C2orf72: variants seen among roughly 807,000 people sequenced by gnomAD.
The protein encoded by C2orf72 is chromosome 2 open reading frame 72, also known as uncharacterized protein C2orf72.
In C2orf72, 16 loss-of-function variants were observed where a neutral mutation model predicts 14.4. That is an observed-to-expected ratio of 1.11 (90% CI 0.75 to 1.69). The LOEUF is 1.69. C2orf72 is among the 40% of genes most tolerant of loss of function. The pLI, the probability that C2orf72 is intolerant of heterozygous loss-of-function variation, is 0.00. For missense variants in C2orf72, 371 were observed against 358.3 expected, an observed-to-expected ratio of 1.04 and a Z score of -0.29; for synonymous variants, 168 against 176.8, an observed-to-expected ratio of 0.95 and a Z score of 0.40.
At position 231,037,820 on chromosome 2, in the gene C2orf72, G is replaced by A. The variant is rs1693274963; in HGVS notation, c.255G>A (p.Ala85=). The A allele has an allele frequency of 1.0e-6, 1 of 979,730 alleles. No homozygotes were observed. The highest frequency in any genetic ancestry group is 1.8e-5 in the African/African-American group (1 of 56,296). The allele number at this position is 979,730 out of a possible 1,614,324, so 60.7% of individuals were successfully genotyped here. A position where few individuals can be genotyped will look rare whatever the true frequency, so the allele number is the denominator to read the frequency against. ...GPGAARGAQR[A]ARAAGAAGAA... is the part of the protein sequence containing the mutation. ...GGGCGGCGCGCGGGGCGCAGAGGGC[G>A]GCGAGGGCGGCTGGGGCGGCGGGGG... The change falls in exon 1 of 3, where the codon GCG becomes GCA. Residue 85 remains alanine, a synonymous_variant. Coordinates refer to ENST00000373640, the MANE Select transcript of C2orf72 (RefSeq NM_001144994.2).
rs760012700 is a variant in C2orf72 at position 231,037,726 on chromosome 2, G to T, written c.161G>T (p.Arg54Leu). ...QSRALLRDFA[R>L]AVFPPEPGAA... ...CGCGCGCTGCTGCGGGACTTCGCAC[G>T]GGCGGTGTTCCCGCCGGAGCCAGGC... The change falls in exon 1 of 3, where the codon CGG becomes CTG. Residue 54 changes from arginine to leucine, a missense_variant. Coordinates refer to ENST00000373640, the MANE Select transcript of C2orf72 (RefSeq NM_001144994.2). 57 of 1,013,940 alleles carry T rather than the reference G, an allele frequency of 5.6e-5. No homozygotes were observed. Among genetic ancestry groups the T allele is most frequent in the Admixed American group, 2.4e-4 (4 of 16,748 alleles). 62.8% of individuals were successfully genotyped at this position (1,013,940 alleles called of 1,614,324 possible).
At chr2:231,039,377 C>G (rs1297188450) in intron 1 of C2orf72, among the ~76,000 whole-genome samples, 1 of 150,956 alleles carries the variant, frequency 6.6e-6, no homozygotes, top group South Asian at 2.1e-4. Flanking sequence ...GATCTTTGCA[C>G]TCTCCAGCTC....
At position 231,044,219 on chromosome 2, in the gene C2orf72, A is replaced by T. The variant is rs184016730; in HGVS notation, c.749-2663A>T. 2.0e-5 allele frequency among the ~76,000 whole-genome samples: 3 copies of T among 152,360 alleles called. No homozygotes were observed. In the East Asian group the frequency reaches 5.8e-4, roughly 29 times the overall value. Reference sequence around the variant, plus strand: ...TGGTGAGTGAATGGGAAGACCTAGGACATTGCTGTGCACTACTGTCGACTA... The same window carrying T: ...TGGTGAGTGAATGGGAAGACCTAGGTCATTGCTGTGCACTACTGTCGACTA... On this transcript the variant is annotated intron_variant, in intron 2 of 2. Transcript: ENST00000373640.
At position 231,047,290 on chromosome 2, in the gene C2orf72, A is replaced by G. The variant is rs899698955; in HGVS notation, c.*269A>G. On this transcript the variant is annotated 3_prime_UTR_variant, in exon 3 of 3. Transcript: ENST00000373640. ...CTCTCTGTCTCGGTTTCTCTGAGCC[A>G]CTGAGACAGATGGCTGTCCGCTTTG... 6 of 522,030 alleles carry G rather than the reference A, an allele frequency of 1.1e-5. No homozygotes were observed. Among genetic ancestry groups the G allele is most frequent in the Non-Finnish European group, 1.8e-5 (5 of 277,430 alleles). 32.3% of individuals were successfully genotyped at this position (522,030 alleles called of 1,614,324 possible). A position where few individuals can be genotyped will look rare whatever the true frequency, so the allele number is the denominator to read the frequency against.
Position 231,037,766 on chromosome 2 carries a change from C to A in C2orf72, c.201C>A (p.Gly67=). 6 of 992,088 alleles carry A rather than the reference C, an allele frequency of 6.0e-6. No homozygotes were observed. Among genetic ancestry groups the A allele is most frequent in the Non-Finnish European group, 7.2e-6 (6 of 836,206 alleles). 61.5% of individuals were successfully genotyped at this position (992,088 alleles called of 1,614,324 possible). Residue 67 remains glycine, a synonymous_variant, in exon 1 of 3, where the codon GGC becomes GGA. Transcript: ENST00000373640. The part of the protein sequence containing the change: ...FPPEPGAAKP[G]GAAAEGAGPG... ...CGGAGCCAGGCGCGGCCAAGCCGGGCGGCGCGGCGGCAGAGGGCGCGGGGC... is the reference window on the plus strand; with the variant it reads ...CGGAGCCAGGCGCGGCCAAGCCGGGAGGCGCGGCGGCAGAGGGCGCGGGGC...
rs1440610686 is a variant in C2orf72, at chr2:231,037,983, G to T, written c.418G>T (p.Ala140Ser). The T allele has an allele frequency of 1.1e-5, 11 of 1,030,512 alleles. No individual in the cohort carries two copies. The highest frequency in any genetic ancestry group is 1.3e-5 in the Non-Finnish European group (11 of 864,562). 63.8% of individuals were successfully genotyped at this position (1,030,512 alleles called of 1,614,324 possible). A position where few individuals can be genotyped will look rare whatever the true frequency, so the allele number is the denominator to read the frequency against. Residue 140 changes from alanine to serine, a missense_variant, in exon 1 of 3, where the codon GCG becomes TCG. Transcript: ENST00000373640. ...CGTGCGCGGCCGGCGGCGGGCCGGGGCGGCGCTGGTCGGGGTGCTGGTGGC... is the reference window on the plus strand; with the variant it reads ...CGTGCGCGGCCGGCGGCGGGCCGGGTCGGCGCTGGTCGGGGTGCTGGTGGC... ...RDVRGRRRAG[A>S]ALVGVLVAEA...
chr2:231,040,386 A>G (rs1026786341), intron 1 of C2orf72, among the ~76,000 whole-genome samples: 1 of 152,148 alleles, frequency 6.6e-6, no homozygotes, highest in African/African-American at 2.4e-5. Context: ...AATAAACACT[A>G]ATACTTTTGA....
intron 2 of C2orf72, among the ~76,000 whole-genome samples, chr2:231,042,596 T>C (rs1421543874): frequency 6.6e-6 from 1 of 152,162 alleles, no homozygotes; most frequent in African/African-American, 2.4e-5. Context: ...CACTGAGAAG[T>C]ATAGCTTTGT....
In C2orf72 at chr2:231,037,959, G is replaced by A; in HGVS notation, c.394G>A (p.Val132Met). ...RRRLREMLRD[V>M]RGRRRAGAAL... is the part of the protein sequence containing the mutation. Reference sequence around the variant, plus strand: ...CCGCCTGCGGGAGATGCTGCGGGACGTGCGCGGCCGGCGGCGGGCCGGGGC... The same window carrying A: ...CCGCCTGCGGGAGATGCTGCGGGACATGCGCGGCCGGCGGCGGGCCGGGGC... Residue 132 changes from valine (V) to methionine (M), a missense_variant, in exon 1 of 3, where the codon GTG (valine) becomes ATG (methionine). Around this residue, in one of 3 missense-constraint regions of C2orf72, gnomAD observed 214 missense variants for 178.7 expected, o/e 1.20. Coordinates refer to ENST00000373640, the MANE Select transcript of C2orf72 (RefSeq NM_001144994.2). 1 of 1,018,558 alleles carries A rather than the reference G, an allele frequency of 9.8e-7. No homozygotes were observed. The highest frequency in any genetic ancestry group is 1.2e-6 in the Non-Finnish European group (1 of 857,698). 63.1% of individuals were successfully genotyped at this position (1,018,558 alleles called of 1,614,324 possible). A position where few individuals can be genotyped will look rare whatever the true frequency, so the allele number is the denominator to read the frequency against.
At chr2:231,046,391 T>G (rs896288418) in intron 2 of C2orf72, among the ~76,000 whole-genome samples, 1 of 152,102 alleles carries the variant, frequency 6.6e-6, no homozygotes, top group East Asian at 1.9e-4. Flanking sequence ...TCCCATTATA[T>G]GTGTGAGCCA....
intron 2 of C2orf72, among the ~76,000 whole-genome samples, chr2:231,044,945 T>TTATTTATATATATATA (rs1553555573): frequency 7.1e-6 from 1 of 141,668 alleles, no homozygotes; most frequent in Non-Finnish European, 1.5e-5. Context: ...ATATATATCT[T>TTATTTATATATATATA]TATATATATA....
In C2orf72 at chr2:231,048,573, A is replaced by G. The variant is rs1248223833; in HGVS notation, c.*1552A>G. On this transcript the variant is annotated 3_prime_UTR_variant, in exon 3 of 3. Transcript: ENST00000373640. Reference sequence around the variant, plus strand: ...CTGCCCCCAGTTCTGGTCTGACCCAACAGAGGGGCTCTATGATATTAAGAA... The same window carrying G: ...CTGCCCCCAGTTCTGGTCTGACCCAGCAGAGGGGCTCTATGATATTAAGAA... 1.3e-5 allele frequency: 2 copies of G among 152,460 alleles called. No individual in the cohort carries two copies. Among genetic ancestry groups the G allele is most frequent in the African/African-American group, 4.8e-5 (2 of 41,462 alleles). 9.4% of individuals were successfully genotyped at this position (152,460 alleles called of 1,614,324 possible).
chr2:231,041,449 G>A, intron 2 of C2orf72, 40 bp downstream of exon 2: 3 of 1,461,526 alleles, frequency 2.1e-6, no homozygotes, highest in Non-Finnish European at 2.8e-6. Flanking sequence ...AGGGCCAGGT[G>A]CATGGAATTA....
In C2orf72 at chr2:231,047,363, G is replaced by A. The variant is rs1693432607; in HGVS notation, c.*342G>A. On this transcript the variant is annotated 3_prime_UTR_variant, in exon 3 of 3. Coordinates refer to ENST00000373640, the MANE Select transcript of C2orf72 (RefSeq NM_001144994.2). Reference sequence around the variant, plus strand: ...CCCATGGTGTGTCTGCAGTGTTCTGGGCACATGCATGGGCACCCATCGTTG... The same window carrying A: ...CCCATGGTGTGTCTGCAGTGTTCTGAGCACATGCATGGGCACCCATCGTTG... 3 of 389,010 alleles carry A rather than the reference G, an allele frequency of 7.7e-6. No individual in the cohort carries two copies. Among genetic ancestry groups the A allele is most frequent in the Non-Finnish European group, 1.5e-5 (3 of 201,440 alleles). 24.1% of individuals were successfully genotyped at this position (389,010 alleles called of 1,614,324 possible).
rs1239568417 is a variant in C2orf72, at chr2:231,047,223, A to T, written c.*202A>T. On this transcript the variant is annotated 3_prime_UTR_variant, in exon 3 of 3. Transcript: ENST00000373640. ...TGTCTCCCCTGGGAACCTACTCCCC[A>T]CCCAGCATTTGCTAAGTCTGATCAC... 1 of 706,478 alleles carries T rather than the reference A, an allele frequency of 1.4e-6. No homozygotes were observed. The highest frequency in any genetic ancestry group is 1.7e-5 in the African/African-American group (1 of 57,208). 43.8% of individuals were successfully genotyped at this position (706,478 alleles called of 1,614,324 possible).
At chr2:231,041,948 G>A (rs1693348287) in intron 2 of C2orf72, among the ~76,000 whole-genome samples, 1 of 152,130 alleles carries the variant, frequency 6.6e-6, no homozygotes, top group Non-Finnish European at 1.5e-5. Context: ...CCAAATCAGT[G>A]TCCCAGATGT....
At position 231,038,070 on chromosome 2, in the gene C2orf72, G is replaced by A. The variant is rs1186437174; in HGVS notation, c.505G>A (p.Ala169Thr). The change falls in exon 1 of 3, where the codon GCC becomes ACC. Residue 169 changes from alanine to threonine, a missense_variant. Ala to Thr is a moderately conservative substitution (Grantham distance 58). Transcript: ENST00000373640. ...GLRLLEALLRAVFGRQAGGPV... is the reference protein window; with the variant it reads ...GLRLLEALLRTVFGRQAGGPV... ...GCGGCTGCTGGAGGCGCTGTTGCGC[G>A]CCGTGTTCGGCCGCCAGGCGGGGGG... The A allele has an allele frequency of 5.3e-6, 6 of 1,130,286 alleles. No individual in the cohort carries two copies. The East Asian group carries it at 2.3e-4, about 44-fold the overall frequency. 70.0% of individuals were successfully genotyped at this position (1,130,286 alleles called of 1,614,324 possible).
chr2:231,043,729 TAG>T (rs1693373885), intron 2 of C2orf72, among the ~76,000 whole-genome samples: 3 of 152,248 alleles, frequency 2.0e-5, no homozygotes, highest in Admixed American at 6.5e-5. Flanking sequence ...AAATCTCATA[TAG>T]AAGTGAATGT....
rs990299269 is a variant in C2orf72, at chr2:231,043,720, A to C, written c.748+2311A>C. On this transcript the variant is annotated intron_variant, in intron 2 of 2. Coordinates refer to ENST00000373640, the MANE Select transcript of C2orf72 (RefSeq NM_001144994.2). The stretch of plus-strand genomic sequence containing the variant: ...AATTTCTCTCTCTGTGGTATGTACA[A>C]ATCTCATATAGAAGTGAATGTATTA... 6.6e-5 allele frequency among the ~76,000 whole-genome samples: 10 copies of C among 152,384 alleles called. No homozygotes were observed. The East Asian group carries it at 1.9e-3, about 29-fold the overall frequency.
Sources: gnomAD v4.1 joint callset for allele counts (sites outside exome capture counted in the v4.1 genomes callset) on GRCh38, gnomAD v4.1.1 for gene constraint, gnomAD v4.1.1 regional missense constraint, MANE v1.5 for transcripts, NCBI Gene and HGNC (gene_info 2026-07-23, HGNC 2026-07-21) for gene names.